TRUB1: variants seen among roughly 807,000 people sequenced by gnomAD.
TRUB1 encodes the protein pseudouridylate synthase TRUB1.
In TRUB1, 23 loss-of-function variants were observed where a neutral mutation model predicts 33.9. The observed-to-expected ratio is 0.68, with a 90% CI of 0.49 to 0.96. TRUB1 has a LOEUF of 0.96. Ranked by LOEUF, TRUB1 falls within the 40% of genes least tolerant of loss-of-function variation. TRUB1 has a pLI of 0.00. For synonymous variants in TRUB1, 163 were observed against 165.4 expected, an observed-to-expected ratio of 0.99 and a Z score of 0.11; for missense variants, 378 against 422.2, an observed-to-expected ratio of 0.90 and a Z score of 0.92.
chr10:114,971,726 A>G (rs1382918589), intron 5 of TRUB1, among the ~76,000 whole-genome samples: 3 of 152,208 alleles, frequency 2.0e-5, no homozygotes, highest in Non-Finnish European at 4.4e-5. Flanking sequence ...TATAAAAATG[A>G]ATATTATAGT....
chr10:114,946,638 G>A (rs966009962), intron 2 of TRUB1, among the ~76,000 whole-genome samples: 3 of 151,938 alleles, frequency 2.0e-5, no homozygotes, highest in Admixed American at 2.0e-4. Flanking sequence ...CACCATGCCC[G>A]GCCAAAAGGT....
intron 3 of TRUB1, among the ~76,000 whole-genome samples, chr10:114,957,155 A>G (rs1013333055): frequency 6.6e-6 from 1 of 152,242 alleles, no homozygotes; most frequent in Non-Finnish European, 1.5e-5. Context: ...AGGAAAGAAC[A>G]CAATAGATGA....
chr10:114,962,179 C>T (rs1173987336), intron 4 of TRUB1, among the ~76,000 whole-genome samples: 1 of 152,148 alleles, frequency 6.6e-6, no homozygotes, highest in Admixed American at 6.5e-5. Context: ...CCTCAGCCTC[C>T]TGAGTAGCTG....
intron 4 of TRUB1, among the ~76,000 whole-genome samples, chr10:114,968,784 A>G (rs1176449441): frequency 6.6e-6 from 1 of 152,210 alleles, no homozygotes; most frequent in Non-Finnish European, 1.5e-5. Context: ...TGTTGGGTTG[A>G]TATTAAAATC....
At chr10:114,970,537 G>A in intron 5 of TRUB1, 97 bp downstream of exon 5, 3 of 914,586 alleles carry the variant, frequency 3.3e-6, no homozygotes, top group Non-Finnish European at 5.2e-6. Context: ...CTTAGCATAT[G>A]GCAAGGCAGG....
Position 114,959,817 on chromosome 10 carries a change from T to G in TRUB1, c.523+10T>G, listed in dbSNP as rs375176100. The G allele has an allele frequency of 2.5e-4, 383 of 1,535,610 alleles. No individual in the cohort carries two copies. The highest frequency in any genetic ancestry group is 2.7e-4 in the Non-Finnish European group (303 of 1,113,118). On this transcript the variant is annotated intron_variant, in intron 4 of 7. Transcript: ENST00000298746. Reference sequence around the variant, plus strand: ...GAAGAAAAACCTTACGGTATGAAGCTCATCTAATGTAGGCCTCTTTTCTAA... The same window carrying G: ...GAAGAAAAACCTTACGGTATGAAGCGCATCTAATGTAGGCCTCTTTTCTAA...
chr10:114,939,937 C>G (rs2084178853), intron 1 of TRUB1, among the ~76,000 whole-genome samples: 1 of 150,098 alleles, frequency 6.7e-6, no homozygotes. Context: ...ACTGAAGTTT[C>G]TTGTTGAATC....
chr10:114,959,976 G>A (rs1020661053), intron 4 of TRUB1, 169 bp downstream of exon 4: 26 of 554,186 alleles, frequency 4.7e-5, no homozygotes, highest in African/African-American at 3.9e-4. Flanking sequence ...TTACTTGATA[G>A]GAGTTTTTGA....
intron 2 of TRUB1, among the ~76,000 whole-genome samples, chr10:114,948,300 C>T (rs1431706137): frequency 6.6e-6 from 1 of 152,208 alleles, no homozygotes; most frequent in African/African-American, 2.4e-5. Flanking sequence ...AGAAGTCCTA[C>T]TGACCTTTCC....
intron 3 of TRUB1, among the ~76,000 whole-genome samples, chr10:114,958,732 T>A (rs754774677): frequency 4.6e-5 from 7 of 152,208 alleles, no homozygotes; most frequent in Non-Finnish European, 8.8e-5. Context: ...AATAAGACAA[T>A]CCTCACGTAA....
At chr10:114,962,760 C>T (rs564223315) in intron 4 of TRUB1, among the ~76,000 whole-genome samples, 2 of 152,238 alleles carry the variant, frequency 1.3e-5, no homozygotes, top group African/African-American at 4.8e-5. Flanking sequence ...GTATTTCAGC[C>T]ATGAGGCTGA....
chr10:114,940,880 T>C (rs1356122357), intron 1 of TRUB1, among the ~76,000 whole-genome samples: 1 of 152,172 alleles, frequency 6.6e-6, no homozygotes, highest in Non-Finnish European at 1.5e-5. Flanking sequence ...GAAGTTTATG[T>C]CAAAGCAGAC....
chr10:114,962,741 C>G (rs954629891), intron 4 of TRUB1, among the ~76,000 whole-genome samples: 2 of 152,144 alleles, frequency 1.3e-5, no homozygotes, highest in Non-Finnish European at 2.9e-5. Flanking sequence ...GCCAGATAGT[C>G]ATGCAGGTGT....
intron 2 of TRUB1, among the ~76,000 whole-genome samples, chr10:114,949,224 G>A (rs758479925): frequency 6.6e-6 from 1 of 152,144 alleles, no homozygotes; most frequent in Non-Finnish European, 1.5e-5. Flanking sequence ...TTTTCCATTG[G>A]AAGTATTCCT....
At chr10:114,965,099 T>C (rs2084301439) in intron 4 of TRUB1, among the ~76,000 whole-genome samples, 1 of 151,866 alleles carries the variant, frequency 6.6e-6, no homozygotes, top group Non-Finnish European at 1.5e-5. Flanking sequence ...CTGGCTAATT[T>C]TTTGTATTTT....
intron 3 of TRUB1, among the ~76,000 whole-genome samples, chr10:114,957,675 G>A (rs755832349): frequency 6.6e-6 from 1 of 152,176 alleles, no homozygotes; most frequent in South Asian, 2.1e-4. Context: ...AGTGGCATAT[G>A]TGCCCCAGGT....
intron 1 of TRUB1, among the ~76,000 whole-genome samples, chr10:114,939,504 ATT>A (rs2084175479): frequency 6.6e-6 from 1 of 152,172 alleles, no homozygotes; most frequent in Non-Finnish European, 1.5e-5. Flanking sequence ...ACTTTCTTAC[ATT>A]GTTTAGTGTC....
chr10:114,960,608 G>A (rs1325623931), intron 4 of TRUB1, among the ~76,000 whole-genome samples: 2 of 151,950 alleles, frequency 1.3e-5, no homozygotes, highest in Non-Finnish European at 2.9e-5. Context: ...GTTCATAATA[G>A]CTTCATTTTT....
At chr10:114,946,227 G>T (rs1489919120) in intron 2 of TRUB1, among the ~76,000 whole-genome samples, 1 of 152,102 alleles carries the variant, frequency 6.6e-6, no homozygotes, top group African/African-American at 2.4e-5. Flanking sequence ...CTTAAAAGAA[G>T]ATAACGTCTA....
Sources: allele counts gnomAD v4.1 joint callset (sites outside exome capture counted in the v4.1 genomes callset), GRCh38; gene constraint gnomAD v4.1.1; transcripts MANE v1.5; gene names NCBI Gene and HGNC (gene_info 2026-07-23, HGNC 2026-07-21).